Variants in KIF4A observed in about 807,000 individuals in gnomAD.
The protein encoded by KIF4A is kinesin family member 4A.
In KIF4A, 7 loss-of-function variants were observed where a neutral mutation model predicts 105.9. The ratio of observed to expected loss-of-function variants is 0.07; its 90% confidence interval spans 0.04 to 0.12. The LOEUF (loss-of-function observed/expected upper bound fraction) is 0.12. Among genes scored for constraint, KIF4A ranks in the 10% least tolerant of loss-of-function variants. The probability of loss-of-function intolerance (pLI) is 1.00; values close to 1 mark genes in which losing one functional copy is unlikely to be tolerated. For synonymous variants in KIF4A, 281 were observed against 331.3 expected, an observed-to-expected ratio of 0.85 and a Z score of 1.65; for missense variants, 558 against 929.2, an observed-to-expected ratio of 0.60 and a Z score of 5.19.
rs1191655438 is a variant in KIF4A, at chrX:70,331,189, A to C, written c.1071+857A>C. Among the ~76,000 whole-genome samples the C allele has an allele frequency of 2.7e-5, 3 of 111,577 alleles. No individual in the cohort carries two copies. In the East Asian group the frequency reaches 8.4e-4, roughly 31 times the overall value. ...CTTCTTAGGGTTTTTGTGAGGGTTA[A>C]ATGAGTTAATACATGTAAAGCACTT... On this transcript the variant is annotated intron_variant, in intron 9 of 30. Coordinates refer to ENST00000374403, the MANE Select transcript of KIF4A (RefSeq NM_012310.5).
At chrX:70,325,112 C>T in intron 7 of KIF4A, among the ~76,000 whole-genome samples, 1 of 112,010 alleles carries the variant, frequency 8.9e-6, no homozygotes, top group Non-Finnish European at 1.9e-5. Flanking sequence ...AATCTGCCTT[C>T]TTTTAAAAGC....
Position 70,419,472 on chromosome X carries a change from C to T in KIF4A, c.3373-189C>T, listed in dbSNP as rs185682960. The stretch of plus-strand genomic sequence containing the variant: ...TTTGCCTTCAGAGGCCACCTACAGG[C>T]ATTGCTCCATTCCTTCAGGGACAGA... On this transcript the variant is annotated intron_variant, in intron 29 of 30. Coordinates refer to ENST00000374403, the MANE Select transcript of KIF4A (RefSeq NM_012310.5). Among the ~76,000 whole-genome samples, 6 of 112,167 alleles carry T rather than the reference C, an allele frequency of 5.3e-5. No homozygotes were observed. The Admixed American group carries it at 5.7e-4, about 11-fold the overall frequency.
intron 10 of KIF4A, among the ~76,000 whole-genome samples, chrX:70,337,633 G>A (rs937883036): frequency 1.8e-5 from 2 of 111,213 alleles, no homozygotes; most frequent in Non-Finnish European, 3.8e-5. Context: ...ATCATACCAC[G>A]CACTCTAGTC....
At chrX:70,346,613 T>C in intron 13 of KIF4A, among the ~76,000 whole-genome samples, 1 of 111,729 alleles carries the variant, frequency 9.0e-6, no homozygotes, top group Non-Finnish European at 1.9e-5. Flanking sequence ...AGAATCGCTG[T>C]GTCTGCCACT....
At chrX:70,368,837 G>GC (rs1349935843) in intron 15 of KIF4A, among the ~76,000 whole-genome samples, 1 of 112,189 alleles carries the variant, frequency 8.9e-6, no homozygotes, top group African/African-American at 3.2e-5. Flanking sequence ...GCTATGCCCT[G>GC]CCCCCAGAGG....
At chrX:70,295,285 C>T (rs890280626) in intron 3 of KIF4A, among the ~76,000 whole-genome samples, 2 of 110,252 alleles carry the variant, frequency 1.8e-5, no homozygotes, top group African/African-American at 3.3e-5. Flanking sequence ...AAGCAATTCT[C>T]CTGCCTCAGC....
At chrX:70,348,216 G>C (rs1202306376) in intron 13 of KIF4A, among the ~76,000 whole-genome samples, 2 of 110,624 alleles carry the variant, frequency 1.8e-5, no homozygotes, top group African/African-American at 6.6e-5. Flanking sequence ...GACCGAGGCA[G>C]GTGGAACCCT....
chrX:70,301,390 C>T (rs1371663780), intron 5 of KIF4A, among the ~76,000 whole-genome samples: 1 of 111,539 alleles, frequency 9.0e-6, no homozygotes, highest in African/African-American at 3.3e-5. Flanking sequence ...TGTATAAGTT[C>T]TCCAAGGTAA....
At chrX:70,397,919 T>A (rs760603717) in intron 22 of KIF4A, among the ~76,000 whole-genome samples, 2 of 112,316 alleles carry the variant, frequency 1.8e-5, no homozygotes, top group Non-Finnish European at 3.8e-5. Flanking sequence ...TTGCTAAAAT[T>A]TCAAGAATGT....
intron 18 of KIF4A, among the ~76,000 whole-genome samples, chrX:70,384,111 T>A (rs1210215603): frequency 9.0e-6 from 1 of 111,627 alleles, no homozygotes; most frequent in Non-Finnish European, 1.9e-5. Flanking sequence ...CTCTATAAAG[T>A]GATGACAACT....
At chrX:70,361,580 G>T in intron 15 of KIF4A, 1 of 168,408 alleles carries the variant, frequency 5.9e-6, no homozygotes, top group Non-Finnish European at 1.3e-5. Context: ...AGCTGTGTTG[G>T]AGGAATTCAC....
At chrX:70,302,093 T>C in intron 6 of KIF4A, 27 bp downstream of exon 6, 1 of 1,194,517 alleles carries the variant, frequency 8.4e-7, no homozygotes, top group Non-Finnish European at 1.1e-6. Context: ...AGAGTCAAGA[T>C]TTTTAGTATT....
chrX:70,292,621 C>T lies in KIF4A; in HGVS notation c.235+1816C>T, dbSNP rs745325593. Among the ~76,000 whole-genome samples, 5 of 112,187 alleles carry T rather than the reference C, an allele frequency of 4.5e-5. No homozygotes were observed. In the South Asian group the frequency reaches 1.9e-3, roughly 42 times the overall value. On this transcript the variant is annotated intron_variant, in intron 3 of 30. Transcript: ENST00000374403. ...GGTGTTAATCTGCTGGGCTTCTCCA[C>T]TATAATCTTTTTCCTTTTTACATAC...
rs1189017174 is a variant in KIF4A at position 70,343,703 on chromosome X, A to G, written c.1267A>G (p.Thr423Ala). 2.5e-6 allele frequency: 3 copies of G among 1,209,759 alleles called. No individual in the cohort carries two copies. The highest frequency in any genetic ancestry group is 3.4e-6 in the Non-Finnish European group (3 of 894,915). ...TAQMLERIIL[T>A]EQANEKMNAK... ...ATGATCTCCTGGGTCTTTGTTGCAG[A>G]CAGAGCAAGCGAATGAAAAAATGAA... Residue 423 changes from threonine (T) to alanine (A), a missense_variant and splice_region_variant, in exon 12 of 31, where the codon ACA becomes GCA. Thr to Ala is a moderately conservative substitution (Grantham distance 58). Around this residue, in one of 2 missense-constraint regions of KIF4A, gnomAD observed 469 missense variants for 680.4 expected, o/e 0.69. Coordinates refer to ENST00000374403, the MANE Select transcript of KIF4A (RefSeq NM_012310.5).
intron 7 of KIF4A, among the ~76,000 whole-genome samples, chrX:70,328,083 A>G (rs2085917197): frequency 8.9e-6 from 1 of 112,344 alleles, no homozygotes; most frequent in African/African-American, 3.2e-5. Context: ...TCAGGATCTC[A>G]TAAATATAAT....
chrX:70,370,872 G>T (rs1302386967), intron 15 of KIF4A, among the ~76,000 whole-genome samples: 1 of 96,796 alleles, frequency 1.0e-5, no homozygotes, highest in Non-Finnish European at 2.0e-5. Flanking sequence ...GGAGACAGAG[G>T]TTGCAGTAAG....
At chrX:70,370,279 A>T (rs1238508291) in intron 15 of KIF4A, among the ~76,000 whole-genome samples, 1 of 110,794 alleles carries the variant, frequency 9.0e-6, no homozygotes, top group Non-Finnish European at 1.9e-5. Flanking sequence ...TCTGCAAAAA[A>T]TGGAAGGTAT....
chrX:70,404,981 A>G (rs1267623303), intron 25 of KIF4A, among the ~76,000 whole-genome samples, 159 bp downstream of exon 25: 1 of 111,686 alleles, frequency 9.0e-6, no homozygotes, highest in Non-Finnish European at 1.9e-5. Context: ...TGATCAGGTT[A>G]GGGGTGCTTA....
chrX:70,301,752 C>T, intron 5 of KIF4A, 148 bp from the exon 6 acceptor site: 1 of 549,160 alleles, frequency 1.8e-6, no homozygotes, highest in Non-Finnish European at 2.9e-6. Flanking sequence ...CACAGAGTTG[C>T]CAGTTAAAGC....
Sources: allele counts gnomAD v4.1 joint callset (sites outside exome capture counted in the v4.1 genomes callset), GRCh38; gene constraint gnomAD v4.1.1; regional missense constraint gnomAD v4.1.1; transcripts MANE v1.5; gene names NCBI Gene and HGNC (gene_info 2026-07-23, HGNC 2026-07-21).